The following CDIN1 variants were observed in gnomAD, a reference collection of about 807,000 sequenced individuals.
CDIN1 encodes the protein CDAN1 interacting nuclease 1.
CDIN1 carries 33 observed loss-of-function variants against 45.3 expected under a neutral mutation model. The observed-to-expected ratio is 0.73, with a 90% CI of 0.55 to 0.97. CDIN1 has a LOEUF of 0.97. Among genes scored for constraint, CDIN1 ranks in the 50% least tolerant of loss-of-function variants. The pLI is 0.00. For synonymous variants in CDIN1, 118 were observed against 124.4 expected (o/e 0.95, Z 0.34); for missense variants, 303 against 339.4 (o/e 0.89, Z 0.84).
At chr15:36,614,293 G>C (rs574613984) in intron 1 of CDIN1, 1 of 582,338 alleles carries the variant, frequency 1.7e-6, no homozygotes, top group Non-Finnish European at 3.3e-6. Flanking sequence ...ACTGAGGGCC[G>C]ATCTTTAACT....
rs1297613102 is a variant in CDIN1, at chr15:36,809,160, T to C, written c.*707T>C. ...TATTTGAACACCACATATTTTAGAT[T>C]TATCTTATTTGAAAGTATTAGTTCC... is the stretch of plus-strand genomic sequence containing the variant. On this transcript the variant is annotated 3_prime_UTR_variant, in exon 11 of 11. Coordinates refer to ENST00000566621, the MANE Select transcript of CDIN1 (RefSeq NM_001321759.2). The C allele has an allele frequency of 6.4e-6, 2 of 314,752 alleles. No individual in the cohort carries two copies. The highest frequency in any genetic ancestry group is 1.6e-4 in the East Asian group (2 of 12,128). 19.5% of individuals were successfully genotyped at this position (314,752 alleles called of 1,614,324 possible).
At chr15:36,707,318 G>A (rs1339714877) in intron 8 of CDIN1, 1 of 152,084 alleles carries the variant, frequency 6.6e-6, no homozygotes, top group East Asian at 1.9e-4. Flanking sequence ...AGACAGGGGT[G>A]TGTGTATGTG....
intron 5 of CDIN1, among the ~76,000 whole-genome samples, chr15:36,679,597 C>T (rs1297253423): frequency 6.6e-6 from 1 of 152,086 alleles, no homozygotes; most frequent in African/African-American, 2.4e-5. Flanking sequence ...TCCTAGTTTA[C>T]CTTTTTTCAA....
At chr15:36,806,689 C>G (rs2141152549) in intron 10 of CDIN1, among the ~76,000 whole-genome samples, 1 of 152,252 alleles carries the variant, frequency 6.6e-6, no homozygotes, top group African/African-American at 2.4e-5. Flanking sequence ...CTTGTTTTGA[C>G]AAATCTGAGA....
intron 10 of CDIN1, among the ~76,000 whole-genome samples, chr15:36,766,462 A>AT (rs150253806): frequency 1.3e-5 from 2 of 152,048 alleles, no homozygotes; most frequent in South Asian, 2.1e-4. Flanking sequence ...TGCATTTTTA[A>AT]TTTTTTGAGG....
chr15:36,774,442 C>A (rs570322226), intron 10 of CDIN1, among the ~76,000 whole-genome samples: 8 of 151,726 alleles, frequency 5.3e-5, no homozygotes, highest in Non-Finnish European at 1.0e-4. Context: ...TTTTCACGGA[C>A]CTAGGACAGT....
chr15:36,739,441 CAAAA>C (rs897170635), intron 10 of CDIN1, among the ~76,000 whole-genome samples: 2 of 147,060 alleles, frequency 1.4e-5, no homozygotes, highest in Non-Finnish European at 3.0e-5. Context: ...CAAAACAAAA[CAAAA>C]AACAAAGAAA....
intron 1 of CDIN1, among the ~76,000 whole-genome samples, chr15:36,637,164 C>T (rs1366038683): frequency 6.6e-6 from 1 of 152,014 alleles, no homozygotes; most frequent in Non-Finnish European, 1.5e-5. Context: ...CCCAGAGGCA[C>T]CAACGTGTGT....
chr15:36,580,578 C>T (rs901830094), intron 1 of CDIN1, among the ~76,000 whole-genome samples: 2 of 152,172 alleles, frequency 1.3e-5, no homozygotes, highest in African/African-American at 2.4e-5. Context: ...GGGTGTATTT[C>T]ATACTTCCTC....
chr15:36,803,067 G>A (rs1351510443), intron 10 of CDIN1, among the ~76,000 whole-genome samples: 4 of 151,834 alleles, frequency 2.6e-5, no homozygotes, highest in Non-Finnish European at 4.4e-5. Context: ...CACAGTTGGG[G>A]CATTTTTATG....
intron 5 of CDIN1, among the ~76,000 whole-genome samples, chr15:36,662,854 G>GTTTTTTT (rs34007525): frequency 2.4e-5 from 3 of 122,920 alleles, no homozygotes; most frequent in Non-Finnish European, 4.9e-5. Flanking sequence ...TCAGATTTTA[G>GTTTTTTT]TTTTTTTTTT....
chr15:36,637,625 A>G (rs950183232), intron 1 of CDIN1, among the ~76,000 whole-genome samples: 35 of 152,200 alleles, frequency 2.3e-4, no homozygotes. Flanking sequence ...ATTTATACCC[A>G]TCAGAAATGC....
chr15:36,666,272 C>G (rs1030655442), intron 5 of CDIN1, among the ~76,000 whole-genome samples: 4 of 152,026 alleles, frequency 2.6e-5, no homozygotes, highest in African/African-American at 9.7e-5. Flanking sequence ...ATACAGAAAT[C>G]AAGTAATTCT....
At chr15:36,795,570 T>G (rs1311863260) in intron 10 of CDIN1, among the ~76,000 whole-genome samples, 1 of 152,210 alleles carries the variant, frequency 6.6e-6, no homozygotes, top group Non-Finnish European at 1.5e-5. Context: ...GTCATGTTAT[T>G]AACAACAGAA....
intron 1 of CDIN1, among the ~76,000 whole-genome samples, chr15:36,616,934 T>A (rs1237215341): frequency 6.6e-6 from 1 of 151,936 alleles, no homozygotes; most frequent in Non-Finnish European, 1.5e-5. Context: ...CAAAAAAATA[T>A]ATATATATAT....
chr15:36,660,871 C>G (rs1427494850), intron 5 of CDIN1, among the ~76,000 whole-genome samples: 1 of 152,134 alleles, frequency 6.6e-6, no homozygotes, highest in Non-Finnish European at 1.5e-5. Flanking sequence ...GTCCTAGAAC[C>G]CAGATTCCAA....
chr15:36,748,698 T>G (rs2053367540), intron 10 of CDIN1, among the ~76,000 whole-genome samples: 1 of 152,108 alleles, frequency 6.6e-6, no homozygotes. Context: ...AGCCATCAAC[T>G]GGGGGGTACA....
chr15:36,781,268 AG>A (rs2054345575), intron 10 of CDIN1, among the ~76,000 whole-genome samples: 2 of 152,334 alleles, frequency 1.3e-5, no homozygotes, highest in South Asian at 4.1e-4. Flanking sequence ...ATCACATTCT[AG>A]TACTCATATT....
chr15:36,580,081 CGT>C, intron 1 of CDIN1, 120 bp downstream of exon 1: 1 of 829,410 alleles, frequency 1.2e-6, no homozygotes, highest in African/African-American at 1.7e-5. Context: ...CAGTGTCAGG[CGT>C]TAGGAGGTCG....
Sources: gnomAD v4.1 joint callset for allele counts (sites outside exome capture counted in the v4.1 genomes callset) on GRCh38, gnomAD v4.1.1 for gene constraint, MANE v1.5 for transcripts, NCBI Gene and HGNC (gene_info 2026-07-23, HGNC 2026-07-21) for gene names.